PDE8A: variants seen among roughly 807,000 people sequenced by gnomAD.
The protein encoded by PDE8A is phosphodiesterase 8A, also known as high affinity cAMP-specific and IBMX-insensitive 3',5'-cyclic phosphodiesterase 8A.
In PDE8A, 59 loss-of-function variants were observed where a neutral mutation model predicts 105.0. The observed-to-expected ratio is 0.56, with a 90% CI of 0.46 to 0.70. PDE8A has a LOEUF of 0.70. PDE8A is among the 30% of genes least tolerant of loss of function. The probability of loss-of-function intolerance (pLI) is 0.00; values close to 1 mark genes in which losing one functional copy is unlikely to be tolerated. For missense variants in PDE8A, 1,014 were observed against 1,045.9 expected (o/e 0.97, Z 0.42); for synonymous variants, 355 against 371.9 (o/e 0.95, Z 0.52).
In PDE8A at chr15:85,116,101, A is replaced by G; in HGVS notation, c.1517A>G (p.Glu506Gly). The change falls in exon 16 of 22, where the codon GAG becomes GGG. Residue 506 changes from glutamate (E) to glycine (G), a missense_variant. Physicochemically the swap from Glu to Gly is moderately conservative, Grantham distance 98. Coordinates refer to ENST00000394553, the MANE Select transcript of PDE8A (RefSeq NM_002605.3). ...TGGGACTTTGATATTTTTGAACTGG[A>G]GGCTGCCACCCACAATAGGTGAGTT... ...EYWDFDIFEL[E>G]AATHNRPLIY... is the part of the protein sequence containing the mutation. 1 of 1,614,032 alleles carries G rather than the reference A, an allele frequency of 6.2e-7. No individual in the cohort carries two copies. The highest frequency in any genetic ancestry group is 8.5e-7 in the Non-Finnish European group (1 of 1,179,948).
intron 1 of PDE8A, among the ~76,000 whole-genome samples, chr15:85,002,670 G>A (rs1208455769): frequency 6.6e-6 from 1 of 152,208 alleles, no homozygotes; most frequent in East Asian, 1.9e-4. Flanking sequence ...CTTTCCTGGG[G>A]GAGGTGGGGG....
intron 7 of PDE8A, among the ~76,000 whole-genome samples, chr15:85,089,939 T>C (rs1333108654): frequency 6.6e-6 from 1 of 152,222 alleles, no homozygotes. Flanking sequence ...GCAACATAGC[T>C]TAATGTTTTC....
rs1211545629 is a variant in PDE8A at position 85,113,975 on chromosome 15, C to G, written c.1288C>G (p.Pro430Ala). ...EILRTTELYS[P>A]QFGAKDDDPH... The stretch of plus-strand genomic sequence containing the variant: ...TCTAAGAACCACTGAGTTATATTCA[C>G]CACAGTTTGGTGCTAAAGATGATGA... The change falls in exon 14 of 22, where the codon CCA becomes GCA. Residue 430 changes from proline (P) to alanine (A), a missense_variant. Physicochemically the swap from Pro to Ala is conservative, Grantham distance 27. Transcript: ENST00000394553. 6.2e-7 allele frequency: 1 copy of G among 1,613,314 alleles called. No individual in the cohort carries two copies. Among genetic ancestry groups the G allele is most frequent in the African/African-American group, 1.3e-5 (1 of 74,924 alleles).
At chr15:85,032,525 C>T (rs750512918) in intron 1 of PDE8A, among the ~76,000 whole-genome samples, 13 of 152,142 alleles carry the variant, frequency 8.5e-5, no homozygotes, top group Non-Finnish European at 1.6e-4. Flanking sequence ...ATAAACCCCT[C>T]ATTTTCTCTG....
At chr15:84,988,843 A>G (rs2079843730) in intron 1 of PDE8A, among the ~76,000 whole-genome samples, 1 of 152,232 alleles carries the variant, frequency 6.6e-6, no homozygotes, top group African/African-American at 2.4e-5. Context: ...ACTGTGTCCT[A>G]GTTTCCTTAT....
At chr15:85,088,111 T>C (rs2081583476) in intron 6 of PDE8A, among the ~76,000 whole-genome samples, 1 of 152,176 alleles carries the variant, frequency 6.6e-6, no homozygotes, top group Non-Finnish European at 1.5e-5. Flanking sequence ...CTCTGCTTCC[T>C]GGGTTCAAGA....
chr15:85,027,454 A>C (rs1004107213), intron 1 of PDE8A, among the ~76,000 whole-genome samples: 4 of 152,218 alleles, frequency 2.6e-5, no homozygotes, highest in Admixed American at 1.3e-4. Context: ...TGTTGAAATC[A>C]AAAGGAAATA....
intron 17 of PDE8A, chr15:85,120,153 CAA>C (rs1425479010): frequency 4.4e-5 from 6 of 137,868 alleles, no homozygotes; most frequent in Admixed American, 7.2e-5. Flanking sequence ...AAAAAAAAAA[CAA>C]AAGAGGCCAA....
At chr15:85,011,644 T>G (rs2080240857) in intron 1 of PDE8A, among the ~76,000 whole-genome samples, 1 of 152,206 alleles carries the variant, frequency 6.6e-6, no homozygotes, top group African/African-American at 2.4e-5. Flanking sequence ...GGGCAAGGAC[T>G]TTATGTCTAA....
Position 85,065,050 on chromosome 15 carries a change from T to TAG in PDE8A, c.243+636_243+637dup, listed in dbSNP as rs555349564. Among the ~76,000 whole-genome samples, 162 of 151,870 alleles carry TAG rather than the reference T, an allele frequency of 1.1e-3. 1 individual carries two copies. Among genetic ancestry groups the TAG allele is most frequent in the African/African-American group, 3.5e-3 (143 of 41,442 alleles). On this transcript the variant is annotated intron_variant, in intron 2 of 21. Transcript: ENST00000394553. ...TTGTATGTATGTACATGTATGTGTT[T>TAG]AGAGAGAGAGAGAAAGCAAAGCAAA...
At chr15:85,091,310 T>C in intron 8 of PDE8A, 129 bp downstream of exon 8, 1 of 708,294 alleles carries the variant, frequency 1.4e-6, no homozygotes, top group Non-Finnish European at 2.2e-6. Flanking sequence ...ATAGGGAATG[T>C]TATCCCTGTT....
In PDE8A at chr15:85,138,413, GATT is replaced by G. The variant is rs1390742632; in HGVS notation, c.*515_*517del. The G allele has an allele frequency of 6.6e-6, 1 of 152,402 alleles. No individual in the cohort carries two copies. The highest frequency in any genetic ancestry group is 1.9e-4 in the East Asian group (1 of 5,196). 9.4% of individuals were successfully genotyped at this position (152,402 alleles called of 1,614,324 possible). A position where few individuals can be genotyped will look rare whatever the true frequency, so the allele number is the denominator to read the frequency against. ...AGATGAAAAATTAAAATTTGAACTT[GATT>G]ATTAATATCAATTAAAATGTTTTAT... On this transcript the variant is annotated 3_prime_UTR_variant, in exon 22 of 22. Transcript: ENST00000394553.
At chr15:85,010,083 G>A (rs2080216102) in intron 1 of PDE8A, among the ~76,000 whole-genome samples, 1 of 152,216 alleles carries the variant, frequency 6.6e-6, no homozygotes, top group African/African-American at 2.4e-5. Flanking sequence ...GAACTATGGT[G>A]TTGGCAGTTA....
Position 85,006,948 on chromosome 15 carries a change from C to T in PDE8A, c.186+24600C>T, listed in dbSNP as rs745971524. On this transcript the variant is annotated intron_variant, in intron 1 of 21. Coordinates refer to ENST00000394553, the MANE Select transcript of PDE8A (RefSeq NM_002605.3). The stretch of plus-strand genomic sequence containing the variant: ...GTTGGGGACATGGAGAAAGCACCTT[C>T]GGCAGCACTTGGTGTCCAGCTGTGG... 8.1e-4 allele frequency among the ~76,000 whole-genome samples: 124 copies of T among 152,164 alleles called. 1 individual carries two copies. The highest frequency in any genetic ancestry group is 8.4e-4 in the African/African-American group (35 of 41,428).
intron 11 of PDE8A, among the ~76,000 whole-genome samples, chr15:85,101,039 T>G (rs1049824205): frequency 1.3e-5 from 2 of 152,258 alleles, no homozygotes; most frequent in African/African-American, 4.8e-5. Flanking sequence ...CTAAGTGCTT[T>G]AGGTACAGCT....
At chr15:85,045,954 A>T (rs181297278) in intron 1 of PDE8A, among the ~76,000 whole-genome samples, 2 of 152,274 alleles carry the variant, frequency 1.3e-5, no homozygotes, top group East Asian at 3.9e-4. Context: ...AATTGACCCC[A>T]GGATAACTTT....
rs1284029310 is a variant in PDE8A at position 85,138,901 on chromosome 15, CAAA to C, written c.*999_*1001del. On this transcript the variant is annotated 3_prime_UTR_variant, in exon 22 of 22. Transcript: ENST00000394553. ...TTCTACAAAATATTCCTTATAAAAA[CAAA>C]GAACAAAAATTGAATATTTAATGAA... The C allele has an allele frequency of 6.6e-6, 1 of 152,024 alleles. No individual in the cohort carries two copies. Among genetic ancestry groups the C allele is most frequent in the Non-Finnish European group, 1.5e-5 (1 of 67,976 alleles). 9.4% of individuals were successfully genotyped at this position (152,024 alleles called of 1,614,324 possible).
At chr15:85,005,684 A>G (rs190069533) in intron 1 of PDE8A, among the ~76,000 whole-genome samples, 1 of 152,364 alleles carries the variant, frequency 6.6e-6, no homozygotes, top group East Asian at 1.9e-4. Flanking sequence ...ACCTGTGGTG[A>G]CAAATGAAAA....
chr15:85,126,142 CAG>C, intron 19 of PDE8A, 63 bp from the exon 20 acceptor site: 1 of 1,178,532 alleles, frequency 8.5e-7, no homozygotes, highest in African/African-American at 1.5e-5. Flanking sequence ...TGGGACAGAC[CAG>C]TAAGAGAGGG....
Sources: allele counts gnomAD v4.1 joint callset (sites outside exome capture counted in the v4.1 genomes callset), GRCh38; gene constraint gnomAD v4.1.1; transcripts MANE v1.5; gene names NCBI Gene and HGNC (gene_info 2026-07-23, HGNC 2026-07-21).